LRRC49: variants seen among roughly 807,000 people sequenced by gnomAD.
LRRC49 encodes leucine-rich repeat-containing protein 49.
Under a neutral mutation model 83.3 loss-of-function variants are expected in LRRC49, and 50 were observed. The observed-to-expected ratio is 0.60, with a 90% CI of 0.48 to 0.76. LRRC49 has a LOEUF of 0.76. LRRC49 is among the 30% of genes least tolerant of loss of function. LRRC49 has a pLI of 0.00. For missense variants in LRRC49, 704 were observed against 809.1 expected (o/e 0.87, Z 1.58); for synonymous variants, 286 against 283.3 (o/e 1.01, Z -0.10).
chr15:71,010,450 G>A lies in LRRC49; in HGVS notation c.1593+458G>A, dbSNP rs532911525. 7.3e-5 allele frequency among the ~76,000 whole-genome samples: 11 copies of A among 151,672 alleles called. No homozygotes were observed. In the South Asian group the frequency reaches 2.3e-3, roughly 32 times the overall value. On this transcript the variant is annotated intron_variant, in intron 13 of 15. Transcript: ENST00000260382. Reference sequence around the variant, plus strand: ...GAATAAAATGGAAAAAAAAGGGGAGGAAGAAGATGACTTACAAAAAGAAGA... The same window carrying A: ...GAATAAAATGGAAAAAAAAGGGGAGAAAGAAGATGACTTACAAAAAGAAGA...
intron 14 of LRRC49, among the ~76,000 whole-genome samples, chr15:71,019,983 C>T (rs555666752): frequency 8.6e-4 from 131 of 152,120 alleles, no homozygotes; most frequent in African/African-American, 3.1e-3. Context: ...AAATAGATTA[C>T]AGAAACAGAC....
intron 7 of LRRC49, 75 bp downstream of exon 7, chr15:70,919,268 C>A: frequency 1.6e-6 from 2 of 1,271,394 alleles, no homozygotes; most frequent in South Asian, 1.6e-5. Context: ...TGTAATATGG[C>A]TTTCTGCAAA....
At chr15:70,901,172 T>G (rs2034062331) in intron 4 of LRRC49, 148 bp downstream of exon 4, 6 of 541,850 alleles carry the variant, frequency 1.1e-5, no homozygotes, top group Non-Finnish European at 1.9e-5. Flanking sequence ...AACCAGTTTT[T>G]TGCTTCTCCT....
intron 8 of LRRC49, among the ~76,000 whole-genome samples, chr15:70,948,159 C>T (rs2036077655): frequency 6.6e-6 from 1 of 151,996 alleles, no homozygotes; most frequent in African/African-American, 2.4e-5. Flanking sequence ...TCTCCCCCAC[C>T]CCTCATTGCC....
intron 14 of LRRC49, among the ~76,000 whole-genome samples, chr15:71,025,586 G>A (rs561632062): frequency 2.6e-4 from 39 of 151,944 alleles, no homozygotes; most frequent in Non-Finnish European, 5.6e-4. Context: ...AAAAAGTCAA[G>A]ACCCATCGGT....
chr15:70,909,696 G>T (rs1313217450), intron 5 of LRRC49, among the ~76,000 whole-genome samples: 1 of 152,056 alleles, frequency 6.6e-6, no homozygotes, highest in Non-Finnish European at 1.5e-5. Flanking sequence ...ACAATTAGCA[G>T]GGTGTAGTGG....
chr15:71,039,043 T>C (rs531090199), intron 15 of LRRC49, among the ~76,000 whole-genome samples: 25 of 152,026 alleles, frequency 1.6e-4, no homozygotes, highest in African/African-American at 4.8e-4. Context: ...CAGATCAAAG[T>C]AGGGTTTTAG....
Position 70,892,826 on chromosome 15 carries a change from CT to C in LRRC49, c.-68del. 4.3e-6 allele frequency: 7 copies of C among 1,613,990 alleles called. No homozygotes were observed. In the South Asian group the frequency reaches 7.7e-5, roughly 18 times the overall value. The stretch of plus-strand genomic sequence containing the variant: ...GCCTGGGAGATGACCTCTTTCGGGT[CT>C]CTTTGAATCTCCGCTGTAGCGTCAC... On this transcript the variant is annotated 5_prime_UTR_variant, in exon 1 of 16. Coordinates refer to ENST00000260382, the MANE Select transcript of LRRC49 (RefSeq NM_017691.5).
intron 14 of LRRC49, among the ~76,000 whole-genome samples, chr15:71,016,399 G>A (rs898665979): frequency 4.6e-5 from 7 of 152,102 alleles, no homozygotes; most frequent in Admixed American, 2.0e-4. Context: ...CATCTTTAAT[G>A]TACTTATTAG....
chr15:70,997,191 C>T lies in LRRC49; in HGVS notation c.1170-11188C>T, dbSNP rs1302025159. Among the ~76,000 whole-genome samples, 3 of 152,096 alleles carry T rather than the reference C, an allele frequency of 2.0e-5. No homozygotes were observed. In the East Asian group the frequency reaches 5.8e-4, roughly 29 times the overall value. ...AACTGTTTCTTCTTTCAACTTTGTC[C>T]ATTTTGCTTCATGTATTTTAGATGT... On this transcript the variant is annotated intron_variant, in intron 11 of 15. Transcript: ENST00000260382.
chr15:70,895,416 C>CT (rs2033789920), intron 2 of LRRC49: 1 of 152,162 alleles, frequency 6.6e-6, no homozygotes, highest in African/African-American at 2.4e-5. Flanking sequence ...GCAAATGATT[C>CT]TTTTAATCAT....
At chr15:70,954,147 G>A (rs2036316987) in intron 8 of LRRC49, among the ~76,000 whole-genome samples, 1 of 152,132 alleles carries the variant, frequency 6.6e-6, no homozygotes, top group South Asian at 2.1e-4. Flanking sequence ...CACCTGCCTT[G>A]GCTTCCCAAA....
intron 14 of LRRC49, 123 bp from the exon 15 acceptor site, chr15:71,037,056 C>A: frequency 1.6e-6 from 1 of 630,606 alleles, no homozygotes. Context: ...AAATCATAAA[C>A]TCAAACTCAT....
intron 14 of LRRC49, among the ~76,000 whole-genome samples, chr15:71,031,029 T>C (rs2039336286): frequency 6.6e-6 from 1 of 152,086 alleles, no homozygotes; most frequent in Non-Finnish European, 1.5e-5. Context: ...TCATTCTCTG[T>C]CCAGATTTGT....
chr15:70,898,712 G>A (rs1204044820), intron 3 of LRRC49, among the ~76,000 whole-genome samples: 1 of 152,202 alleles, frequency 6.6e-6, no homozygotes, highest in Non-Finnish European at 1.5e-5. Context: ...GAGCCTGGGA[G>A]TTTGAGGCTG....
intron 14 of LRRC49, among the ~76,000 whole-genome samples, chr15:71,028,401 A>G (rs548839406): frequency 6.6e-6 from 1 of 152,068 alleles, no homozygotes; most frequent in East Asian, 1.9e-4. Context: ...TTGGCCTGAA[A>G]TTTTCTTTTT....
chr15:70,926,524 TA>T (rs2035205073), intron 7 of LRRC49, among the ~76,000 whole-genome samples: 1 of 152,186 alleles, frequency 6.6e-6, no homozygotes, highest in African/African-American at 2.4e-5. Flanking sequence ...TTTTATTTTT[TA>T]TTTTTATTAT....
At chr15:70,870,836 T>C (rs2033010880) in intron 1 of LRRC49, among the ~76,000 whole-genome samples, 1 of 152,184 alleles carries the variant, frequency 6.6e-6, no homozygotes, top group Admixed American at 6.5e-5. Context: ...TCTCAATTTC[T>C]TCCCCACTGG....
chr15:70,886,162 A>T (rs1396287901), intron 2 of LRRC49, among the ~76,000 whole-genome samples: 1 of 152,210 alleles, frequency 6.6e-6, no homozygotes, highest in African/African-American at 2.4e-5. Context: ...AACTTGTAAG[A>T]TTCAGTAAAG....
Sources: allele counts gnomAD v4.1 joint callset (sites outside exome capture counted in the v4.1 genomes callset), GRCh38; gene constraint gnomAD v4.1.1; transcripts MANE v1.5; gene names NCBI Gene and HGNC (gene_info 2026-07-23, HGNC 2026-07-21).